RSPO3: variants seen among roughly 807,000 people sequenced by gnomAD.
The protein encoded by RSPO3 is R-spondin-3.
Under a neutral mutation model 36.5 loss-of-function variants are expected in RSPO3, and 17 were observed. The observed-to-expected ratio is 0.47, with a 90% CI of 0.32 to 0.70. The LOEUF (loss-of-function observed/expected upper bound fraction) is 0.70. Among genes scored for constraint, RSPO3 ranks in the 30% least tolerant of loss-of-function variants. The pLI is 0.04. For missense variants in RSPO3, 294 were observed against 322.5 expected (o/e 0.91, Z 0.68); for synonymous variants, 108 against 107.0 (o/e 1.01, Z -0.06).
intron 4 of RSPO3, among the ~76,000 whole-genome samples, chr6:127,186,151 G>A (rs1213090338): frequency 6.6e-6 from 1 of 152,010 alleles, no homozygotes; most frequent in Non-Finnish European, 1.5e-5. Context: ...TCTGTTAATT[G>A]GAAAGTTATA....
Position 127,199,357 on chromosome 6 carries a change from T to A in RSPO3, c.*3350T>A, listed in dbSNP as rs1182585335. ...CACAAGTCAAACATATAAATTTTAT[T>A]TCTTGATTCATGATATGTGATAGTA... On this transcript the variant is annotated 3_prime_UTR_variant, in exon 5 of 5. Coordinates refer to ENST00000356698, the MANE Select transcript of RSPO3 (RefSeq NM_032784.5). Among the ~76,000 whole-genome samples, 1 of 152,046 alleles carries A rather than the reference T, an allele frequency of 6.6e-6. No individual in the cohort carries two copies. The highest frequency in any genetic ancestry group is 1.5e-5 in the Non-Finnish European group (1 of 68,026).
At position 127,197,426 on chromosome 6, in the gene RSPO3, G is replaced by C. The variant is rs761468475; in HGVS notation, c.*1419G>C. The C allele has an allele frequency of 1.9e-6, 3 of 1,550,320 alleles. No individual in the cohort carries two copies. Among genetic ancestry groups the C allele is most frequent in the East Asian group, 4.9e-5 (2 of 40,906 alleles). On this transcript the variant is annotated 3_prime_UTR_variant, in exon 5 of 5. Transcript: ENST00000356698. Reference sequence around the variant, plus strand: ...ATTTTCTATCTGTGGATCTCTTTAGGGGATTGAAGTCACCCTAGCTGAAGG... The same window carrying C: ...ATTTTCTATCTGTGGATCTCTTTAGCGGATTGAAGTCACCCTAGCTGAAGG...
At chr6:127,164,353 T>TA (rs1424695465) in intron 4 of RSPO3, among the ~76,000 whole-genome samples, 2 of 152,068 alleles carry the variant, frequency 1.3e-5, no homozygotes, top group Non-Finnish European at 2.9e-5. Flanking sequence ...AAACAAAACT[T>TA]ACCAAATCTA....
chr6:127,153,923 T>C (rs1232852331), intron 3 of RSPO3, among the ~76,000 whole-genome samples: 1 of 152,152 alleles, frequency 6.6e-6, no homozygotes, highest in Non-Finnish European at 1.5e-5. Flanking sequence ...TTGACTTAGT[T>C]ACTCTATTCT....
chr6:127,171,584 T>C (rs967828721), intron 4 of RSPO3, among the ~76,000 whole-genome samples: 2 of 151,804 alleles, frequency 1.3e-5, no homozygotes, highest in Non-Finnish European at 2.9e-5. Context: ...ATATACTGTA[T>C]ACATAACCTT....
chr6:127,144,179 TTTC>T (rs939604435), intron 1 of RSPO3, among the ~76,000 whole-genome samples: 3 of 152,208 alleles, frequency 2.0e-5, no homozygotes, highest in Non-Finnish European at 4.4e-5. Flanking sequence ...TAGTTCCCTC[TTTC>T]TTAATTCTAA....
chr6:127,180,856 T>A (rs1181352672), intron 4 of RSPO3, among the ~76,000 whole-genome samples: 1 of 151,864 alleles, frequency 6.6e-6, no homozygotes, highest in East Asian at 1.9e-4. Context: ...ATATCATTTG[T>A]TTCTCATACC....
chr6:127,184,240 T>C (rs1313878812), intron 4 of RSPO3, among the ~76,000 whole-genome samples: 1 of 152,028 alleles, frequency 6.6e-6, no homozygotes, highest in Admixed American at 6.6e-5. Context: ...AATACTTTGA[T>C]AGGTAAATAA....
chr6:127,146,277 CTTGCCT>C (rs1427563004), intron 1 of RSPO3, among the ~76,000 whole-genome samples: 2 of 149,986 alleles, frequency 1.3e-5, no homozygotes, highest in African/African-American at 4.9e-5. Flanking sequence ...TTTAAAAACC[CTTGCCT>C]AGGAAGTCAT....
intron 1 of RSPO3, among the ~76,000 whole-genome samples, chr6:127,122,436 C>T (rs1011238881): frequency 6.6e-6 from 1 of 152,148 alleles, no homozygotes; most frequent in Non-Finnish European, 1.5e-5. Context: ...TTAGTGGGGC[C>T]TCACATTTTC....
At chr6:127,179,541 T>C (rs1431503919) in intron 4 of RSPO3, among the ~76,000 whole-genome samples, 1 of 152,036 alleles carries the variant, frequency 6.6e-6, no homozygotes, top group East Asian at 1.9e-4. Context: ...TAAAACTGTT[T>C]TGGACATGTG....
chr6:127,170,281 T>G (rs1424484846), intron 4 of RSPO3, among the ~76,000 whole-genome samples: 1 of 151,756 alleles, frequency 6.6e-6, no homozygotes, highest in Non-Finnish European at 1.5e-5. Flanking sequence ...CTGTTGAAAT[T>G]GCATGTAGAG....
chr6:127,148,901 G>C (rs1745816699), intron 2 of RSPO3, 62 bp downstream of exon 2: 1 of 1,234,862 alleles, frequency 8.1e-7, no homozygotes, highest in Non-Finnish European at 1.1e-6. Flanking sequence ...AGATTGAAAT[G>C]GCCTCTAATA....
intron 4 of RSPO3, among the ~76,000 whole-genome samples, chr6:127,173,959 C>T (rs1774994067): frequency 6.6e-6 from 1 of 151,868 alleles, no homozygotes; most frequent in East Asian, 1.9e-4. Context: ...AATTGTACAG[C>T]GTGCTCATTC....
At chr6:127,162,301 G>C (rs1341344741) in intron 4 of RSPO3, among the ~76,000 whole-genome samples, 1 of 152,124 alleles carries the variant, frequency 6.6e-6, no homozygotes, top group African/African-American at 2.4e-5. Flanking sequence ...CAGGGTGGGA[G>C]AGGAGAATTA....
At chr6:127,175,254 T>C (rs932021230) in intron 4 of RSPO3, among the ~76,000 whole-genome samples, 3 of 151,778 alleles carry the variant, frequency 2.0e-5, no homozygotes, top group African/African-American at 7.2e-5. Flanking sequence ...TTTTGGTTAT[T>C]TGTCTAACTT....
intron 4 of RSPO3, among the ~76,000 whole-genome samples, chr6:127,194,189 C>A (rs1775467815): frequency 6.6e-6 from 1 of 152,154 alleles, no homozygotes; most frequent in Non-Finnish European, 1.5e-5. Context: ...GATTCTGTAA[C>A]CAGAGCCCAA....
chr6:127,197,170 C>G lies in RSPO3; in HGVS notation c.*1163C>G, dbSNP rs1041202039. ...ATGTAATTCAGAATATATTACATTT[C>G]TCAGTAATATTTGTTTTTTGAATCC... On this transcript the variant is annotated 3_prime_UTR_variant, in exon 5 of 5. Transcript: ENST00000356698. 1 of 396,058 alleles carries G rather than the reference C, an allele frequency of 2.5e-6. No homozygotes were observed. Among genetic ancestry groups the G allele is most frequent in the Non-Finnish European group, 4.5e-6 (1 of 220,718 alleles). The allele number at this position is 396,058 out of a possible 1,614,324, so 24.5% of individuals were successfully genotyped here.
chr6:127,131,665 C>G (rs1302128941), intron 1 of RSPO3, among the ~76,000 whole-genome samples: 1 of 151,706 alleles, frequency 6.6e-6, no homozygotes, highest in Non-Finnish European at 1.5e-5. Context: ...AATAAAGACA[C>G]AGACAGCCGA....
Sources: gnomAD v4.1 joint callset for allele counts (sites outside exome capture counted in the v4.1 genomes callset) on GRCh38, gnomAD v4.1.1 for gene constraint, MANE v1.5 for transcripts, NCBI Gene and HGNC (gene_info 2026-07-23, HGNC 2026-07-21) for gene names.